RP1: variants seen among roughly 807,000 people sequenced by gnomAD.
RP1 encodes the protein oxygen-regulated protein 1.
Under a neutral mutation model 14.8 loss-of-function variants are expected in RP1, and 16 were observed. The ratio of observed to expected loss-of-function variants is 1.08; its 90% confidence interval spans 0.73 to 1.65. The LOEUF (loss-of-function observed/expected upper bound fraction) is 1.65, where lower values mean the gene tolerates loss of function less well. Ranked by LOEUF, RP1 falls within the 40% of genes most tolerant of loss-of-function variation. The pLI is 0.00. For synonymous variants in RP1, 876 were observed against 883.6 expected (o/e 0.99, Z 0.15); for missense variants, 2,631 against 2,535.0 (o/e 1.04, Z -0.81).
chr8:54,817,390 G>C (rs533318607), intron 24 of RP1, among the ~76,000 whole-genome samples: 1 of 152,276 alleles, frequency 6.6e-6, no homozygotes, highest in African/African-American at 2.4e-5. Context: ...GGCTTGGAAA[G>C]GTGGAGGGGA....
At chr8:54,772,726 C>G (rs1809939100), downstream of RP1, among the ~76,000 whole-genome samples, 1 of 152,152 alleles carries the variant, frequency 6.6e-6, no homozygotes, top group Non-Finnish European at 1.5e-5. Context: ...GGTTCAACTT[C>G]AGGGATTGTA....
intron 23 of RP1, among the ~76,000 whole-genome samples, chr8:54,778,671 T>C (rs889870389): frequency 2.0e-5 from 3 of 152,108 alleles, no homozygotes; most frequent in Non-Finnish European, 4.4e-5. Flanking sequence ...GGATGTTCAC[T>C]AGTGAGAGGA....
intron 1 of RP1, among the ~76,000 whole-genome samples, chr8:54,617,074 G>A (rs1805737119): frequency 6.6e-6 from 1 of 152,222 alleles, no homozygotes; most frequent in African/African-American, 2.4e-5. Flanking sequence ...CAGAGAAGAA[G>A]AGACGATATT....
chr8:54,621,839 T>C (rs558266685), intron 2 of RP1, among the ~76,000 whole-genome samples: 2 of 152,274 alleles, frequency 1.3e-5, no homozygotes, highest in Admixed American at 6.5e-5. Flanking sequence ...TGGAATCCAA[T>C]CTTGATAATA....
At chr8:54,603,418 C>G (rs548879220) in intron 1 of RP1, among the ~76,000 whole-genome samples, 2 of 152,180 alleles carry the variant, frequency 1.3e-5, no homozygotes, top group South Asian at 4.2e-4. Context: ...GGTACCAGTA[C>G]CATGCTGTTT....
exon 11 of RP1, chr8:54,679,598 C>A: frequency 6.5e-7 from 1 of 1,535,850 alleles, no homozygotes; most frequent in Non-Finnish European, 8.7e-7. Context: ...CTTCTCAGGG[C>A]AGAAATTGGA....
At chr8:54,730,277 A>G (rs1808762216) in intron 17 of RP1, among the ~76,000 whole-genome samples, 1 of 152,052 alleles carries the variant, frequency 6.6e-6, no homozygotes. Flanking sequence ...TCCTCTTAGT[A>G]TATTCTTCTT....
At chr8:54,674,320 G>A (rs1807246110) in intron 8 of RP1, among the ~76,000 whole-genome samples, 1 of 152,070 alleles carries the variant, frequency 6.6e-6, no homozygotes, top group African/African-American at 2.4e-5. Flanking sequence ...GCACGTTAAG[G>A]AGACTGTCCT....
intron 25 of RP1, among the ~76,000 whole-genome samples, chr8:54,838,532 T>C (rs1454527480): frequency 6.6e-6 from 1 of 152,192 alleles, no homozygotes; most frequent in African/African-American, 2.4e-5. Flanking sequence ...CGTGACAGAA[T>C]GTATGCATGT....
chr8:54,691,947 C>T (rs1013646241), intron 12 of RP1, among the ~76,000 whole-genome samples: 1 of 151,936 alleles, frequency 6.6e-6, no homozygotes, highest in African/African-American at 2.4e-5. Context: ...GGTATATCTC[C>T]TAATGCTGTC....
intron 9 of RP1, chr8:54,679,358 A>G: frequency 7.2e-7 from 1 of 1,391,678 alleles, no homozygotes; most frequent in East Asian, 2.5e-5. Context: ...TGGGAAGATA[A>G]TTGCCAATGG....
intron 21 of RP1, among the ~76,000 whole-genome samples, chr8:54,756,358 T>A (rs1809503881): frequency 6.6e-6 from 1 of 152,178 alleles, no homozygotes; most frequent in African/African-American, 2.4e-5. Flanking sequence ...TGAAATTAAG[T>A]TTGGGGATTA....
In RP1 at chr8:54,807,632, GTCTATCTA is replaced by G. The variant is rs145286591; in HGVS notation, c.3615+23960_3615+23967del. Among the ~76,000 whole-genome samples, 974 of 125,042 alleles carry G rather than the reference GTCTATCTA, an allele frequency of 7.8e-3. 8 individuals carry two copies. The highest frequency in any genetic ancestry group is 0.04 in the Admixed American group (507 of 12,684). 82.0% of individuals were successfully genotyped at this position (125,042 alleles called of 152,430 possible). A position where few individuals can be genotyped will look rare whatever the true frequency, so the allele number is the denominator to read the frequency against. On this transcript the variant is annotated intron_variant, in intron 24 of 28. Coordinates refer to the RP1 transcript ENST00000637698. The stretch of plus-strand genomic sequence containing the variant: ...TGCATCTCTATCTACCTGTCTGTCT[GTCTATCTA>G]TCTATCTATCTATCTATCTATCTAT...
chr8:54,669,439 C>G (rs1298825994), intron 7 of RP1, among the ~76,000 whole-genome samples: 3 of 152,156 alleles, frequency 2.0e-5, no homozygotes, highest in African/African-American at 7.2e-5. Flanking sequence ...GGAGTGTAAA[C>G]TAGTTCAACG....
chr8:54,664,618 T>C (rs1221692312), intron 7 of RP1, among the ~76,000 whole-genome samples: 2 of 152,216 alleles, frequency 1.3e-5, no homozygotes, highest in African/African-American at 4.8e-5. Flanking sequence ...GCTTTCGATG[T>C]ACATTTCTTT....
chr8:54,698,394 C>A (rs1374343295), intron 12 of RP1, among the ~76,000 whole-genome samples: 2 of 152,160 alleles, frequency 1.3e-5, no homozygotes, highest in Non-Finnish European at 2.9e-5. Flanking sequence ...ACAACAGATA[C>A]TGGAGAGGAT....
At chr8:54,712,251 C>T (rs1435361494) in intron 15 of RP1, among the ~76,000 whole-genome samples, 1 of 152,152 alleles carries the variant, frequency 6.6e-6, no homozygotes, top group Non-Finnish European at 1.5e-5. Flanking sequence ...TGGCCCACTT[C>T]AGGAGAGAGT....
At chr8:54,719,205 C>A (rs1200214443) in intron 15 of RP1, among the ~76,000 whole-genome samples, 2 of 152,136 alleles carry the variant, frequency 1.3e-5, no homozygotes, top group Non-Finnish European at 2.9e-5. Context: ...TTTCCTATCC[C>A]TACCCCCAGC....
chr8:54,674,732 G>T (rs1807256676), intron 8 of RP1, among the ~76,000 whole-genome samples: 1 of 151,132 alleles, frequency 6.6e-6, no homozygotes, highest in Non-Finnish European at 1.5e-5. Context: ...TATAATCCAT[G>T]AAAAAAAAAT....
Sources: allele counts gnomAD v4.1 joint callset (sites outside exome capture counted in the v4.1 genomes callset), GRCh38; gene constraint gnomAD v4.1.1; transcripts MANE v1.5; gene names NCBI Gene and HGNC (gene_info 2026-07-23, HGNC 2026-07-21).